The following TSC22D3 variants were observed in gnomAD, a reference collection of about 807,000 sequenced individuals.
The protein encoded by TSC22D3 is TSC22 domain family member 3.
A neutral mutation model predicts 11.1 loss-of-function variants in TSC22D3; 4 were observed. That is an observed-to-expected ratio of 0.36 (90% CI 0.18 to 0.83). TSC22D3 has a LOEUF of 0.83. Ranked by LOEUF, TSC22D3 falls within the 40% of genes least tolerant of loss-of-function variation. The pLI is 0.48. For synonymous variants in TSC22D3, 77 were observed against 70.3 expected (o/e 1.10, Z -0.48); for missense variants, 118 against 159.4 (o/e 0.74, Z 1.40).
intron 1 of TSC22D3, among the ~76,000 whole-genome samples, chrX:107,727,640 T>C (rs1465678848): frequency 8.9e-6 from 1 of 111,925 alleles, no homozygotes; most frequent in Non-Finnish European, 1.9e-5. Flanking sequence ...ATAAACTCTA[T>C]GATAAATAGA....
chrX:107,733,909 C>T (rs1421803488), intron 1 of TSC22D3, among the ~76,000 whole-genome samples: 1 of 111,952 alleles, frequency 8.9e-6, no homozygotes, highest in African/African-American at 3.2e-5. Context: ...GTTCGGCAGG[C>T]ACTGCCCGTC....
intron 1 of TSC22D3, among the ~76,000 whole-genome samples, chrX:107,755,494 G>A (rs767065399): frequency 1.8e-5 from 2 of 112,621 alleles, no homozygotes; most frequent in Non-Finnish European, 3.8e-5. Context: ...GCTTGCCTTC[G>A]TGAAATCCAC....
At chrX:107,771,700 ATC>A (rs1929913021) in intron 1 of TSC22D3, among the ~76,000 whole-genome samples, 1 of 113,064 alleles carries the variant, frequency 8.8e-6, no homozygotes, top group African/African-American at 3.2e-5. Flanking sequence ...TTAGTTATTA[ATC>A]TGTTATGGTT....
chrX:107,772,351 G>A (rs146265158), intron 1 of TSC22D3, among the ~76,000 whole-genome samples: 7 of 111,705 alleles, frequency 6.3e-5, no homozygotes, highest in African/African-American at 9.8e-5. Context: ...AAGTAAAAAC[G>A]ATGGCTGAAG....
At chrX:107,730,439 TG>T (rs1429993846) in intron 1 of TSC22D3, among the ~76,000 whole-genome samples, 1 of 111,658 alleles carries the variant, frequency 9.0e-6, no homozygotes, top group East Asian at 2.8e-4. Flanking sequence ...AGGGTCATGG[TG>T]GGGAAGGCCT....
rs746669835 is a variant in TSC22D3, at chrX:107,775,344, G to A, written c.76C>T (p.Arg26Trp). The A allele has an allele frequency of 1.7e-6, 2 of 1,209,668 alleles. No homozygotes were observed. Among genetic ancestry groups the A allele is most frequent in the East Asian group, 5.9e-5 (2 of 33,750 alleles). The part of the protein sequence containing the change: ...CCNCCLDLAH[R>W]SGLQRGSSGE... ...CTGCTGCCTCGCTGGAGCCCACTCC[G>A]ATGGGCCAGGTCCAGGCAGCAGTTG... Residue 26 changes from arginine to tryptophan, a missense_variant, in exon 1 of 3, where the codon CGG becomes TGG. Coordinates refer to ENST00000372383, the MANE Select transcript of TSC22D3 (RefSeq NM_198057.3).
rs1287861050 is a variant in TSC22D3 at position 107,770,591 on chromosome X, A to G, written c.320+4509T>C. ...GCCAGGTCAGAAGCTTAAAGGTAGAATCCTAGGGTTTTTAGAGCTGGAAGG... is the reference window on the plus strand; with the variant it reads ...GCCAGGTCAGAAGCTTAAAGGTAGAGTCCTAGGGTTTTTAGAGCTGGAAGG... On this transcript the variant is annotated intron_variant, in intron 1 of 2. Transcript: ENST00000372383. Among the ~76,000 whole-genome samples the G allele has an allele frequency of 4.5e-5, 5 of 111,852 alleles. No individual in the cohort carries two copies. The East Asian group carries it at 1.4e-3, about 31-fold the overall frequency.
chrX:107,740,474 C>T (rs759416255), intron 1 of TSC22D3, among the ~76,000 whole-genome samples: 4 of 111,460 alleles, frequency 3.6e-5, no homozygotes, highest in Non-Finnish European at 5.7e-5. Context: ...CCCATCTGCT[C>T]GGGAGGCTGA....
intron 1 of TSC22D3, among the ~76,000 whole-genome samples, chrX:107,761,544 T>G (rs1466578235): frequency 1.8e-5 from 2 of 112,486 alleles, no homozygotes; most frequent in African/African-American, 6.5e-5. Context: ...CTTTCTTCTC[T>G]TCACTGACCT....
intron 1 of TSC22D3, among the ~76,000 whole-genome samples, chrX:107,741,808 T>G (rs1281815735): frequency 9.0e-6 from 1 of 111,381 alleles, no homozygotes. Flanking sequence ...GCTAGCCCAG[T>G]GCAAAGTGCA....
intron 1 of TSC22D3, among the ~76,000 whole-genome samples, chrX:107,763,904 C>T (rs764618782): frequency 1.8e-5 from 2 of 112,232 alleles, no homozygotes; most frequent in Admixed American, 1.9e-4. Context: ...TGTCAGTCCT[C>T]CCCTTTGGGA....
At chrX:107,726,259 C>CTTATTTTATT (rs369647588) in intron 1 of TSC22D3, among the ~76,000 whole-genome samples, 4 of 111,945 alleles carry the variant, frequency 3.6e-5, no homozygotes, top group Admixed American at 1.9e-4. Context: ...GTCTTTTGGC[C>CTTATTTTATT]TTATTTTATT....
At chrX:107,753,395 T>C (rs1929027199) in intron 1 of TSC22D3, among the ~76,000 whole-genome samples, 1 of 111,304 alleles carries the variant, frequency 9.0e-6, no homozygotes, top group African/African-American at 3.3e-5. Flanking sequence ...CTGTGACAGA[T>C]ACATAAATCC....
At chrX:107,747,559 T>A (rs1928729016) in intron 1 of TSC22D3, among the ~76,000 whole-genome samples, 1 of 112,750 alleles carries the variant, frequency 8.9e-6, no homozygotes, top group Admixed American at 9.3e-5. Context: ...ATCAGATCTG[T>A]TATTGACACT....
chrX:107,775,103 T>A lies in TSC22D3; in HGVS notation c.317A>T (p.His106Leu), dbSNP rs1387727833. The change falls in exon 1 of 3, where the codon CAC becomes CTC. Residue 106 changes from histidine (H) to leucine (L), a missense_variant. Coordinates refer to ENST00000372383, the MANE Select transcript of TSC22D3 (RefSeq NM_198057.3). ...QTMLSILLFF[H>L]SASGASVVAI... is the part of the protein sequence containing the mutation. Reference sequence around the variant, plus strand: ...CGCCGTGTGCCGAGCCACCCACCTGTGGAAGAAGAGCAGGATGGAGAGCAT... The same window carrying A: ...CGCCGTGTGCCGAGCCACCCACCTGAGGAAGAAGAGCAGGATGGAGAGCAT... The A allele has an allele frequency of 8.3e-7, 1 of 1,209,770 alleles. No homozygotes were observed. Among genetic ancestry groups the A allele is most frequent in the East Asian group, 3.0e-5 (1 of 33,791 alleles).
At chrX:107,716,433 C>T (rs1458817700) in intron 1 of TSC22D3, 419 of 978,629 alleles carry the variant, frequency 4.3e-4, no homozygotes, top group Non-Finnish European at 5.3e-4. Context: ...GCCCGCCGCC[C>T]CTCTGCCTCC....
At chrX:107,757,279 C>T (rs973951282) in intron 1 of TSC22D3, among the ~76,000 whole-genome samples, 1 of 111,464 alleles carries the variant, frequency 9.0e-6, no homozygotes, top group Admixed American at 9.5e-5. Flanking sequence ...GATAATCATC[C>T]CTAATCCCTA....
chrX:107,714,315 A>G lies in TSC22D3; in HGVS notation c.*204T>C, dbSNP rs1926892387. The G allele has an allele frequency of 2.4e-6, 1 of 419,544 alleles. No homozygotes were observed. Among genetic ancestry groups the G allele is most frequent in the Non-Finnish European group, 4.1e-6 (1 of 242,172 alleles). 34.6% of individuals were successfully genotyped at this position (419,544 alleles called of 1,213,427 possible). A position where few individuals can be genotyped will look rare whatever the true frequency, so the allele number is the denominator to read the frequency against. ...GCTTGGTGTTACTAGGCCCCATGCAACTCAGCCTCCAGAGACCTGCTCTTG... is the reference window on the plus strand; with the variant it reads ...GCTTGGTGTTACTAGGCCCCATGCAGCTCAGCCTCCAGAGACCTGCTCTTG... On this transcript the variant is annotated 3_prime_UTR_variant, in exon 3 of 3. Transcript: ENST00000372383.
At chrX:107,750,733 T>C (rs1299365454) in intron 1 of TSC22D3, among the ~76,000 whole-genome samples, 1 of 110,929 alleles carries the variant, frequency 9.0e-6, no homozygotes, top group African/African-American at 3.3e-5. Context: ...CGCAGGTAGG[T>C]ACTTATTGGA....
Sources: allele counts gnomAD v4.1 joint callset (sites outside exome capture counted in the v4.1 genomes callset), GRCh38; gene constraint gnomAD v4.1.1; transcripts MANE v1.5; gene names NCBI Gene and HGNC (gene_info 2026-07-23, HGNC 2026-07-21).